SKAP1: variants seen among roughly 807,000 people sequenced by gnomAD.
SKAP1 encodes src kinase-associated phosphoprotein 1.
Under a neutral mutation model 58.5 loss-of-function variants are expected in SKAP1, and 44 were observed. The observed-to-expected ratio is 0.75, with a 90% confidence interval of 0.59 to 0.97. The LOEUF (loss-of-function observed/expected upper bound fraction) is 0.97. Among genes scored for constraint, SKAP1 ranks in the 50% least tolerant of loss-of-function variants. The pLI is 0.00. For synonymous variants in SKAP1, 127 were observed against 149.7 expected (o/e 0.85, Z 1.11); for missense variants, 390 against 435.2 (o/e 0.90, Z 0.92).
In SKAP1 at chr17:48,147,480, A is replaced by G. The variant is rs551378529; in HGVS notation, c.979-10143T>C. ...ATGCTTTCTTAGAATATCATACCCT[A>G]TGAAATAAATTAAGGGCTCCAAATC... On this transcript the variant is annotated intron_variant, in intron 11 of 12. Transcript: ENST00000336915. Among the ~76,000 whole-genome samples the G allele has an allele frequency of 3.9e-5, 6 of 152,348 alleles. No homozygotes were observed. In the South Asian group the frequency reaches 6.2e-4, roughly 16 times the overall value.
At chr17:48,291,746 G>A (rs764591700) in intron 4 of SKAP1, among the ~76,000 whole-genome samples, 2 of 152,010 alleles carry the variant, frequency 1.3e-5, no homozygotes, top group Non-Finnish European at 2.9e-5. Flanking sequence ...ATTTAACCTG[G>A]GTAATGCGCT....
intron 1 of SKAP1, among the ~76,000 whole-genome samples, chr17:48,397,441 G>T (rs151311470): frequency 0.025 from 3,739 of 152,264 alleles, 144 homozygotes; most frequent in African/African-American, 0.084. Flanking sequence ...GCCCAGGCTG[G>T]TTTCGAACTC....
intron 4 of SKAP1, among the ~76,000 whole-genome samples, chr17:48,207,144 A>G (rs889572417): frequency 2.0e-5 from 3 of 152,132 alleles, no homozygotes; most frequent in Non-Finnish European, 4.4e-5. Flanking sequence ...GAATCCAGAA[A>G]AGAAAGAAGA....
At chr17:48,177,833 A>G (rs1389653995) in intron 9 of SKAP1, among the ~76,000 whole-genome samples, 2 of 152,144 alleles carry the variant, frequency 1.3e-5, no homozygotes, top group African/African-American at 2.4e-5. Flanking sequence ...GGCTTATGGG[A>G]AAGAACCTGT....
chr17:48,144,186 C>T (rs1028032944), intron 11 of SKAP1, among the ~76,000 whole-genome samples: 3 of 152,164 alleles, frequency 2.0e-5, no homozygotes, highest in Admixed American at 1.3e-4. Context: ...AGCCTGGGAG[C>T]TTAATCAAAG....
rs564803727 is a variant in SKAP1 at position 48,297,429 on chromosome 17, T to C, written c.280+48476A>G. ...CAATATAAATGACCTTATAACCTTA[T>C]AAATAGTTACAGCTATTATCATTCT... is the stretch of plus-strand genomic sequence containing the variant. On this transcript the variant is annotated intron_variant, in intron 4 of 12. Coordinates refer to ENST00000336915, the MANE Select transcript of SKAP1 (RefSeq NM_003726.4). Among the ~76,000 whole-genome samples, 4 of 152,342 alleles carry C rather than the reference T, an allele frequency of 2.6e-5. 1 individual carries two copies. Among genetic ancestry groups the C allele is most frequent in the African/African-American group, 9.6e-5 (4 of 41,590 alleles).
chr17:48,279,672 A>G (rs1200986606), intron 4 of SKAP1, among the ~76,000 whole-genome samples: 4 of 152,210 alleles, frequency 2.6e-5, no homozygotes, highest in Admixed American at 1.3e-4. Flanking sequence ...CTTGGGTGTC[A>G]TGAATGTGTA....
At chr17:48,224,513 A>C (rs1247764095) in intron 4 of SKAP1, among the ~76,000 whole-genome samples, 1 of 152,208 alleles carries the variant, frequency 6.6e-6, no homozygotes, top group Non-Finnish European at 1.5e-5. Context: ...TAGTTGCTCT[A>C]CAACTATTCT....
intron 2 of SKAP1, among the ~76,000 whole-genome samples, chr17:48,376,795 G>A (rs2067155780): frequency 6.6e-6 from 1 of 152,194 alleles, no homozygotes; most frequent in Non-Finnish European, 1.5e-5. Flanking sequence ...GTGTAGAAGT[G>A]ATGTAATTGG....
chr17:48,258,687 A>G (rs2065453019), intron 4 of SKAP1, among the ~76,000 whole-genome samples: 1 of 152,166 alleles, frequency 6.6e-6, no homozygotes, highest in Non-Finnish European at 1.5e-5. Flanking sequence ...TGTACCAGCT[A>G]TGGAACACAC....
chr17:48,297,493 A>C (rs1182319845), intron 4 of SKAP1, among the ~76,000 whole-genome samples: 1 of 152,238 alleles, frequency 6.6e-6, no homozygotes. Context: ...TAGATAGTAC[A>C]AAACTTCTAA....
intron 4 of SKAP1, among the ~76,000 whole-genome samples, chr17:48,191,178 T>C (rs2064540381): frequency 6.6e-6 from 1 of 152,122 alleles, no homozygotes; most frequent in Admixed American, 6.5e-5. Context: ...GGGTTTATAC[T>C]TACTTCACAG....
intron 4 of SKAP1, among the ~76,000 whole-genome samples, chr17:48,237,958 TTTG>T (rs952035063): frequency 1.1e-4 from 17 of 151,640 alleles, no homozygotes; most frequent in South Asian, 2.1e-4. Context: ...TCGCTCTGCT[TTTG>T]TTGTTGTTGT....
chr17:48,171,889 C>T (rs866474074), intron 9 of SKAP1, among the ~76,000 whole-genome samples: 1 of 151,916 alleles, frequency 6.6e-6, no homozygotes, highest in African/African-American at 2.4e-5. Context: ...GGTGAAACCC[C>T]GTCTGTGCTA....
intron 4 of SKAP1, among the ~76,000 whole-genome samples, chr17:48,282,824 G>A (rs746521702): frequency 4.0e-5 from 6 of 150,292 alleles, no homozygotes; most frequent in South Asian, 2.1e-4. Context: ...TTTTTTTTTG[G>A]TAAGGAAAAT....
intron 4 of SKAP1, among the ~76,000 whole-genome samples, chr17:48,254,396 C>A (rs1375712054): frequency 1.3e-5 from 2 of 152,074 alleles, no homozygotes. Flanking sequence ...ATCTCTAAAT[C>A]TTGCCTTCCA....
chr17:48,201,378 CCTCT>C (rs2064725998), intron 4 of SKAP1, among the ~76,000 whole-genome samples: 1 of 150,208 alleles, frequency 6.7e-6, no homozygotes, highest in Non-Finnish European at 1.5e-5. Flanking sequence ...TTCCTTCTTT[CCTCT>C]CTCTCTCTTT....
chr17:48,279,864 C>A (rs2065746003), intron 4 of SKAP1, among the ~76,000 whole-genome samples: 1 of 152,166 alleles, frequency 6.6e-6, no homozygotes, highest in African/African-American at 2.4e-5. Flanking sequence ...CTAAATCCTT[C>A]TTTCCTGTGC....
At chr17:48,205,267 G>A (rs1221110618) in intron 4 of SKAP1, among the ~76,000 whole-genome samples, 2 of 151,288 alleles carry the variant, frequency 1.3e-5, no homozygotes, top group African/African-American at 2.4e-5. Flanking sequence ...ATGTCACCAC[G>A]CTCAGCTAAT....
Sources: allele counts gnomAD v4.1 joint callset (sites outside exome capture counted in the v4.1 genomes callset), GRCh38; gene constraint gnomAD v4.1.1; transcripts MANE v1.5; gene names NCBI Gene and HGNC (gene_info 2026-07-23, HGNC 2026-07-21).